C6orf136: variants seen among roughly 807,000 people sequenced by gnomAD.
C6orf136 encodes the protein uncharacterized protein C6orf136.
In C6orf136, 29 loss-of-function variants were observed where a neutral mutation model predicts 44.0. That is an observed-to-expected ratio of 0.66 (90% CI 0.49 to 0.90). The LOEUF (loss-of-function observed/expected upper bound fraction) is 0.90, where lower values mean the gene tolerates loss of function less well. C6orf136 is among the 40% of genes least tolerant of loss of function. The pLI is 0.00. For missense variants in C6orf136, 628 were observed against 669.3 expected (o/e 0.94, Z 0.68); for synonymous variants, 293 against 278.6 (o/e 1.05, Z -0.52).
chr6:30,651,918 C>T (rs1767460807), intron 4 of C6orf136, among the ~76,000 whole-genome samples: 1 of 152,108 alleles, frequency 6.6e-6, no homozygotes, highest in Non-Finnish European at 1.5e-5. Flanking sequence ...GCTTCAGTTT[C>T]TTCCTATACA....
intron 4 of C6orf136, 46 bp from the exon 5 acceptor site, chr6:30,652,602 G>A (rs1767538285): frequency 6.5e-7 from 1 of 1,548,686 alleles, no homozygotes; most frequent in Non-Finnish European, 8.9e-7. Context: ...ATTCAGCTTT[G>A]GGACCAGTCA....
In C6orf136 at chr6:30,653,135, C is replaced by G; in HGVS notation, c.*220C>G. On this transcript the variant is annotated 3_prime_UTR_variant, in exon 6 of 6. Coordinates refer to ENST00000651131, the MANE Select transcript of C6orf136 (RefSeq NM_001161376.2). The stretch of plus-strand genomic sequence containing the variant: ...TTTCACATATCACTTTCTCTAGATC[C>G]CAAATGTTCCCACAAGCTTTATTCC... 7.3e-7 allele frequency: 1 copy of G among 1,370,498 alleles called. No homozygotes were observed. The highest frequency in any genetic ancestry group is 1.4e-5 in the South Asian group (1 of 68,976). The allele number at this position is 1,370,498 out of a possible 1,614,324, so 84.9% of individuals were successfully genotyped here. A position where few individuals can be genotyped will look rare whatever the true frequency, so the allele number is the denominator to read the frequency against.
chr6:30,650,432 A>C (rs1767300686), intron 2 of C6orf136, among the ~76,000 whole-genome samples: 1 of 151,820 alleles, frequency 6.6e-6, no homozygotes, highest in African/African-American at 2.4e-5. Flanking sequence ...TTTTGGGTTA[A>C]GGGAGGTTAA....
intron 1 of C6orf136, among the ~76,000 whole-genome samples, chr6:30,648,166 G>A (rs1184011633): frequency 6.6e-6 from 1 of 152,208 alleles, no homozygotes; most frequent in East Asian, 1.9e-4. Flanking sequence ...TTTGTAGGAA[G>A]CGGAGGCATA....
Position 30,647,559 on chromosome 6 carries a change from G to GGCGC in C6orf136, c.329_330insCGCG (p.Arg111AlafsTer16), listed in dbSNP as rs771514519. 122 of 1,531,590 alleles carry GGCGC rather than the reference G, an allele frequency of 8.0e-5. No individual in the cohort carries two copies. In the African/African-American group the frequency reaches 1.1e-3, roughly 14 times the overall value. 94.9% of individuals were successfully genotyped at this position (1,531,590 alleles called of 1,614,324 possible). Reference sequence around the variant, plus strand: ...CAGGCGGGGTCAAGGCCAGGCAGCGGGGCGCGTCTGCGTTGCGCCCGACTC... The same window carrying GGCGC: ...CAGGCGGGGTCAAGGCCAGGCAGCGGGCGCGGCGCGTCTGCGTTGCGCCCGACTC... On this transcript the variant is annotated frameshift_variant, in exon 1 of 6. Transcript: ENST00000651131. LOFTEE classifies it high-confidence loss of function. The surrounding 1 kb of genome is among the most constrained non-coding windows in gnomAD (Gnocchi z 4.8).
intron 2 of C6orf136, among the ~76,000 whole-genome samples, chr6:30,650,278 C>T (rs1767280867): frequency 6.6e-6 from 1 of 151,356 alleles, no homozygotes; most frequent in African/African-American, 2.4e-5. Flanking sequence ...CCTATAATCC[C>T]AGCTACTCAG....
intron 1 of C6orf136, among the ~76,000 whole-genome samples, chr6:30,649,260 G>A (rs914470007): frequency 2.0e-5 from 3 of 152,154 alleles, no homozygotes; most frequent in Non-Finnish European, 4.4e-5. Flanking sequence ...CTACTCAGGA[G>A]GCTGAGGCAG....
At position 30,651,317 on chromosome 6, in the gene C6orf136, G is replaced by A; in HGVS notation, c.1158G>A (p.Trp386Ter). Residue 386 changes from tryptophan (W) to a stop codon, truncating the protein, a stop_gained, in exon 4 of 6, where the codon TGG becomes TGA. Transcript: ENST00000651131. LOFTEE classifies it high-confidence loss of function. ...LSLTLCRFLAWNYFAHLRLEV... is the reference protein window; with the variant it reads ...LSLTLCRFLA The stretch of plus-strand genomic sequence containing the variant: ...TGACCCTCTGCCGTTTCCTGGCCTG[G>A]AATTATTTTGCACACCTTCGTTTGG... The A allele has an allele frequency of 1.9e-6, 3 of 1,613,964 alleles. No homozygotes were observed. Among genetic ancestry groups the A allele is most frequent in the Non-Finnish European group, 2.5e-6 (3 of 1,180,016 alleles).
Position 30,647,444 on chromosome 6 carries a change from C to A in C6orf136, c.213C>A (p.Arg71=), listed in dbSNP as rs1454956287. ...CCCTTCCCACCTGTGCCCTGCAGCG[C>A]GTGGACAGGCTAGGGGTCGCGGGAG... ...PPPLPTCALQ[R]VDRLGVAGAG... The change falls in exon 1 of 6, where the codon CGC becomes CGA. Residue 71 remains arginine, a synonymous_variant. Coordinates refer to ENST00000651131, the MANE Select transcript of C6orf136 (RefSeq NM_001161376.2). This position sits in a 1 kb window ranked among gnomAD's most constrained non-coding sequence, Gnocchi z 4.8. 6.8e-7 allele frequency: 1 copy of A among 1,471,492 alleles called. No homozygotes were observed. The allele number at this position is 1,471,492 out of a possible 1,614,324, so 91.2% of individuals were successfully genotyped here.
At position 30,653,138 on chromosome 6, in the gene C6orf136, A is replaced by G. The variant is rs960911834; in HGVS notation, c.*223A>G. ...CACATATCACTTTCTCTAGATCCCA[A>G]ATGTTCCCACAAGCTTTATTCCAAA... is the stretch of plus-strand genomic sequence containing the variant. On this transcript the variant is annotated 3_prime_UTR_variant, in exon 6 of 6. Coordinates refer to ENST00000651131, the MANE Select transcript of C6orf136 (RefSeq NM_001161376.2). 6 of 1,391,544 alleles carry G rather than the reference A, an allele frequency of 4.3e-6. No individual in the cohort carries two copies. Among genetic ancestry groups the G allele is most frequent in the Non-Finnish European group, 5.8e-6 (6 of 1,032,304 alleles). 86.2% of individuals were successfully genotyped at this position (1,391,544 alleles called of 1,614,324 possible).
At chr6:30,652,347 G>A (rs901504097) in intron 4 of C6orf136, among the ~76,000 whole-genome samples, 2 of 151,908 alleles carry the variant, frequency 1.3e-5, no homozygotes, top group African/African-American at 4.8e-5. Flanking sequence ...GTAAATTTCC[G>A]CCTGGGAGTA....
At chr6:30,650,672 A>G (rs1279159858) in intron 2 of C6orf136, among the ~76,000 whole-genome samples, 1 of 152,024 alleles carries the variant, frequency 6.6e-6, no homozygotes, top group Non-Finnish European at 1.5e-5. Context: ...AATCCCAGCT[A>G]CTCGGGAGGC....
At chr6:30,648,944 G>C (rs1767150528) in intron 1 of C6orf136, among the ~76,000 whole-genome samples, 2 of 151,812 alleles carry the variant, frequency 1.3e-5, no homozygotes, top group Non-Finnish European at 2.9e-5. Context: ...GGAGGCGGCG[G>C]TTGCAGTGAC....
chr6:30,647,527 G>A lies in C6orf136; in HGVS notation c.296G>A (p.Arg99Lys). Residue 99 changes from arginine (R) to lysine (K), a missense_variant, in exon 1 of 6, where the codon AGG becomes AAG. Physicochemically the swap from Arg to Lys is conservative, Grantham distance 26. Around this residue, in one of 2 missense-constraint regions of C6orf136, gnomAD observed 497 missense variants for 469.2 expected, o/e 1.06. Transcript: ENST00000651131. The surrounding 1 kb of genome is among the most constrained non-coding windows in gnomAD (Gnocchi z 4.8). ...AGGACGTCGGTCCTCCCAGGTTTGA[G>A]GGCGGTCAGGCGGGGTCAAGGCCAG... is the stretch of plus-strand genomic sequence containing the variant. ...RARTSVLPGL[R>K]AVRRGQGQAA... The A allele has an allele frequency of 6.6e-7, 1 of 1,518,778 alleles. No homozygotes were observed. Among genetic ancestry groups the A allele is most frequent in the Non-Finnish European group, 8.9e-7 (1 of 1,127,098 alleles). 94.1% of individuals were successfully genotyped at this position (1,518,778 alleles called of 1,614,324 possible). A position where few individuals can be genotyped will look rare whatever the true frequency, so the allele number is the denominator to read the frequency against.
intron 2 of C6orf136, among the ~76,000 whole-genome samples, chr6:30,650,326 G>A (rs920086870): frequency 1.3e-5 from 2 of 150,364 alleles, no homozygotes; most frequent in African/African-American, 2.5e-5. Context: ...CCCAGGAGGC[G>A]CAGTGAAAGG....
Position 30,647,325 on chromosome 6 carries a change from G to T in C6orf136, c.94G>T (p.Gly32Trp). 1 of 1,582,980 alleles carries T rather than the reference G, an allele frequency of 6.3e-7. No homozygotes were observed. Among genetic ancestry groups the T allele is most frequent in the East Asian group, 2.3e-5 (1 of 42,996 alleles). Residue 32 changes from glycine to tryptophan, a missense_variant, in exon 1 of 6, where the codon GGG becomes TGG. This residue lies in a region of C6orf136 where 497 missense variants were observed against 469.2 expected (regional missense o/e 1.06). Transcript: ENST00000651131. The surrounding 1 kb of genome is among the most constrained non-coding windows in gnomAD (Gnocchi z 4.8). ...RPQVSGGEEG[G>W]RRGGGERPSS... ...CCAGGTGAGCGGAGGAGAAGAGGGA[G>T]GGAGGAGAGGGGGCGGGGAGAGACC... is the stretch of plus-strand genomic sequence containing the variant.
At chr6:30,650,025 G>A in intron 2 of C6orf136, 66 bp downstream of exon 2, 1 of 1,391,036 alleles carries the variant, frequency 7.2e-7, no homozygotes, top group Non-Finnish European at 9.9e-7. Context: ...TGGACGTACA[G>A]GGATAGTCAA....
Position 30,649,620 on chromosome 6 carries a change from T to A in C6orf136, c.678T>A (p.Thr226=). 6.3e-7 allele frequency: 1 copy of A among 1,595,698 alleles called. No individual in the cohort carries two copies. The highest frequency in any genetic ancestry group is 1.1e-5 in the South Asian group (1 of 88,014). ...TTTGGCCCCACTCCACGACAACCAC[T>A]TCCCCATCTTCTCCTCTATTCTGGT... The part of the protein sequence containing the change: ...PPLWPHSTTT[T]SPSSPLFWSP... The change falls in exon 2 of 6, where the codon ACT becomes ACA. Residue 226 remains threonine, a synonymous_variant. Coordinates refer to ENST00000651131, the MANE Select transcript of C6orf136 (RefSeq NM_001161376.2).
chr6:30,652,506 A>G (rs1437264096), intron 4 of C6orf136, 142 bp from the exon 5 acceptor site: 1 of 764,980 alleles, frequency 1.3e-6, no homozygotes, highest in Non-Finnish European at 2.4e-6. Context: ...ACAGGGCACA[A>G]CCTAAGCACT....
Sources: gnomAD v4.1 joint callset for allele counts (sites outside exome capture counted in the v4.1 genomes callset) on GRCh38, gnomAD v4.1.1 for gene constraint, gnomAD v4.1.1 regional missense constraint, Gnocchi (gnomAD v3.1) non-coding constraint, MANE v1.5 for transcripts, NCBI Gene and HGNC (gene_info 2026-07-23, HGNC 2026-07-21) for gene names.